Variants in PWWP2A observed in about 807,000 individuals in gnomAD.
PWWP2A encodes PWWP domain containing 2A.
In PWWP2A, 18 loss-of-function variants were observed where a neutral mutation model predicts 48.5. The observed-to-expected ratio is 0.37, with a 90% CI of 0.26 to 0.55. The LOEUF (loss-of-function observed/expected upper bound fraction) is 0.55. Ranked by LOEUF, PWWP2A falls within the 20% of genes least tolerant of loss-of-function variation. The pLI is 0.81. For missense variants in PWWP2A, 867 were observed against 976.4 expected, an observed-to-expected ratio of 0.89 and a Z score of 1.49; for synonymous variants, 396 against 387.7, an observed-to-expected ratio of 1.02 and a Z score of -0.25.
At chr5:160,052,493 G>A in the PWWP2A span, among the ~76,000 whole-genome samples, 1 of 134,558 alleles carries the variant, frequency 7.4e-6, no homozygotes, top group African/African-American at 2.9e-5. Flanking sequence ...TCTCAAAGAA[G>A]AGGGAAAAGA....
chr5:160,093,164 T>C lies in PWWP2A; in HGVS notation c.1486A>G (p.Lys496Glu), dbSNP rs1444248086. The part of the protein sequence containing the change: ...NDSSLKTGLE[K>E]MRSGKMAPKP... ...GGTGCCATCTTGCCACTCCGCATTT[T>C]CTCAAGTCCTGTCTTCAGAGAAGAG... Residue 496 changes from lysine (K) to glutamate (E), a missense_variant, in exon 2 of 2, where the codon AAA (lysine) becomes GAA (glutamate). Transcript: ENST00000307063. This position sits in a 1 kb window ranked among gnomAD's most constrained non-coding sequence, Gnocchi z 5.8. 1.2e-6 allele frequency: 2 copies of C among 1,613,890 alleles called. No individual in the cohort carries two copies. Among genetic ancestry groups the C allele is most frequent in the Non-Finnish European group, 1.7e-6 (2 of 1,179,898 alleles).
intron 1 of PWWP2A, among the ~76,000 whole-genome samples, chr5:160,095,902 C>T (rs1298221566): frequency 6.6e-6 from 1 of 151,936 alleles, no homozygotes; most frequent in Non-Finnish European, 1.5e-5. Context: ...ACCATGTTGT[C>T]CAGGCGAATG....
At chr5:160,061,728 T>C (rs937946985), downstream of PWWP2A, 1 of 152,062 alleles carries the variant, frequency 6.6e-6, no homozygotes, top group Non-Finnish European at 1.5e-5. Flanking sequence ...GCAGAGATAC[T>C]GGAATTGAAG....
chr5:160,092,514 A>G lies in PWWP2A; in HGVS notation c.2136T>C (p.Phe712=). Residue 712 remains phenylalanine, a synonymous_variant, in exon 2 of 2, where the codon TTT becomes TTC. Transcript: ENST00000307063. ...TAAAGCGTGACTGGAAGTTTTCTAA[A>G]AAGGGGGAGAGTTGTGAAAGAGCAA... ...SFLALSQLSP[F]LENFQSRFNK... 3.9e-6 allele frequency: 6 copies of G among 1,551,662 alleles called. No homozygotes were observed. The highest frequency in any genetic ancestry group is 5.2e-6 in the Non-Finnish European group (6 of 1,146,988).
chr5:160,079,821 GA>G (rs747798352), intron 3 of PWWP2A, among the ~76,000 whole-genome samples: 18 of 152,198 alleles, frequency 1.2e-4, no homozygotes, highest in Non-Finnish European at 2.5e-4. Context: ...CTCCTACGCA[GA>G]TAAGTGTCCA....
the PWWP2A span, among the ~76,000 whole-genome samples, chr5:160,054,978 G>A: frequency 3.7e-4 from 56 of 152,318 alleles, no homozygotes; most frequent in Non-Finnish European, 7.8e-4. Context: ...TCTGCCCTCA[G>A]GAGTCCCTTG....
chr5:160,064,904 CATTT>C (rs761213936), intron 4 of PWWP2A: 271 of 1,602,980 alleles, frequency 1.7e-4, no homozygotes, highest in Non-Finnish European at 2.2e-4. Flanking sequence ...TTCCTGTATT[CATTT>C]GAGTTTTTGC....
intron 4 of PWWP2A, chr5:160,065,294 G>C (rs1753572301): frequency 1.4e-6 from 1 of 691,066 alleles, no homozygotes; most frequent in Non-Finnish European, 2.5e-6. Context: ...CTGTGCAGCT[G>C]GTGTCCCCGA....
At chr5:160,051,145 T>C in the PWWP2A span, 1 of 1,609,786 alleles carries the variant, frequency 6.2e-7, no homozygotes, top group Non-Finnish European at 8.5e-7. Flanking sequence ...CCTAAGCAAA[T>C]TGAAGAACGT....
downstream of PWWP2A, among the ~76,000 whole-genome samples, chr5:160,088,935 T>C (rs1394232984): frequency 6.6e-6 from 1 of 152,236 alleles, no homozygotes; most frequent in Non-Finnish European, 1.5e-5. Flanking sequence ...AATAGGAGTG[T>C]AACTCAATTT....
chr5:160,062,071 T>A (rs1753432167), exon 6 of PWWP2A: 1 of 152,230 alleles, frequency 6.6e-6, no homozygotes, highest in Admixed American at 6.5e-5. Context: ...CTGATGGATT[T>A]TAGAGTGCAG....
rs1389645009 is a variant in PWWP2A, at chr5:160,109,769, AAAAAAATATATAT to A, written c.584+9023_584+9035del. On this transcript the variant is annotated intron_variant, in intron 1 of 1. Transcript: ENST00000307063. The stretch of plus-strand genomic sequence containing the variant: ...AGGATGCAACTGGGAAAAAAAAAAA[AAAAAAATATATAT>A]ATATATATATATATATATATATATA... 1.8e-3 allele frequency among the ~76,000 whole-genome samples: 118 copies of A among 65,788 alleles called. 1 individual carries two copies. The highest frequency in any genetic ancestry group is 6.1e-3 in the East Asian group (11 of 1,816). The allele number at this position is 65,788 out of a possible 152,430, so 43.2% of individuals were successfully genotyped here.
chr5:160,053,474 G>C, the PWWP2A span, among the ~76,000 whole-genome samples: 1 of 152,062 alleles, frequency 6.6e-6, no homozygotes, highest in Non-Finnish European at 1.5e-5. Flanking sequence ...TGCTGTGGGA[G>C]GATCACTTGA....
In PWWP2A at chr5:160,105,239, C is replaced by CAA. The variant is rs70990704; in HGVS notation, c.585-11176_585-11175dup. ...AGCAACAGAGACTCTGTCTCTAAGG[C>CAA]AAAAAAAAAAAAAAAAAAAAAAAAA... On this transcript the variant is annotated intron_variant, in intron 1 of 1. Transcript: ENST00000307063. Among the ~76,000 whole-genome samples the CAA allele has an allele frequency of 3.2e-3, 156 of 48,954 alleles. 3 individuals are homozygous for CAA. Among genetic ancestry groups the CAA allele is most frequent in the Middle Eastern group, 0.025 (1 of 40 alleles). 32.1% of individuals were successfully genotyped at this position (48,954 alleles called of 152,430 possible).
At chr5:160,103,993 G>A (rs939352407) in intron 1 of PWWP2A, among the ~76,000 whole-genome samples, 1 of 151,786 alleles carries the variant, frequency 6.6e-6, no homozygotes, top group African/African-American at 2.4e-5. Context: ...GCCTGGCGGT[G>A]TGCATCCATA....
chr5:160,077,930 A>T lies in PWWP2A; in HGVS notation c.*225T>A, dbSNP rs1753968788. 4 of 487,218 alleles carry T rather than the reference A, an allele frequency of 8.2e-6. No individual in the cohort carries two copies. The highest frequency in any genetic ancestry group is 1.5e-5 in the Non-Finnish European group (4 of 271,390). 30.2% of individuals were successfully genotyped at this position (487,218 alleles called of 1,614,324 possible). On this transcript the variant is annotated 3_prime_UTR_variant, in exon 4 of 4. Transcript: ENST00000456329. This position sits in a 1 kb window ranked among gnomAD's most constrained non-coding sequence, Gnocchi z 4.2. Reference sequence around the variant, plus strand: ...TTCACATCATTTTTCTCCTCATCTCATGCATAATTTATTGCAAGTTTATTT... The same window carrying T: ...TTCACATCATTTTTCTCCTCATCTCTTGCATAATTTATTGCAAGTTTATTT...
intron 1 of PWWP2A, among the ~76,000 whole-genome samples, chr5:160,118,361 TC>T (rs973825893): frequency 1.2e-4 from 19 of 152,136 alleles, no homozygotes; most frequent in African/African-American, 4.6e-4. Context: ...CTTTCTCCAA[TC>T]CCGCTAAAGT....
Position 160,093,172 on chromosome 5 carries a change from C to G in PWWP2A, c.1478G>C (p.Gly493Ala), listed in dbSNP as rs577048939. Reference sequence around the variant, plus strand: ...CTTGCCACTCCGCATTTTCTCAAGTCCTGTCTTCAGAGAAGAGTCATTTTC... The same window carrying G: ...CTTGCCACTCCGCATTTTCTCAAGTGCTGTCTTCAGAGAAGAGTCATTTTC... The part of the protein sequence containing the change: ...NEENDSSLKT[G>A]LEKMRSGKMA... Residue 493 changes from glycine (G) to alanine (A), a missense_variant, in exon 2 of 2, where the codon GGA becomes GCA. Physicochemically the swap from Gly to Ala is moderately conservative, Grantham distance 60. This residue lies in a region of PWWP2A where 382 missense variants were observed against 407.2 expected (regional missense o/e 0.94). Coordinates refer to ENST00000307063, the MANE Select transcript of PWWP2A (RefSeq NM_001130864.2). The surrounding 1 kb of genome is among the most constrained non-coding windows in gnomAD (Gnocchi z 5.8). 6.2e-7 allele frequency: 1 copy of G among 1,613,908 alleles called. No individual in the cohort carries two copies. The highest frequency in any genetic ancestry group is 8.5e-7 in the Non-Finnish European group (1 of 1,179,868).
chr5:160,057,509 C>T (rs1295445717), downstream of PWWP2A, among the ~76,000 whole-genome samples: 1 of 152,114 alleles, frequency 6.6e-6, no homozygotes, highest in African/African-American at 2.4e-5. The surrounding 1 kb of genome is among the most constrained non-coding windows in gnomAD (Gnocchi z 4.4). Flanking sequence ...TGCTGGAGGG[C>T]CTTGCCTCCA....
Sources: gnomAD v4.1 joint callset for allele counts (sites outside exome capture counted in the v4.1 genomes callset) on GRCh38, gnomAD v4.1.1 for gene constraint, gnomAD v4.1.1 regional missense constraint, Gnocchi (gnomAD v3.1) non-coding constraint, MANE v1.5 for transcripts, NCBI Gene and HGNC (gene_info 2026-07-23, HGNC 2026-07-21) for gene names.